Variants in PKD2L1 observed in about 807,000 individuals in gnomAD.
PKD2L1 encodes the protein polycystin-2-like protein 1.
In PKD2L1, 77 loss-of-function variants were observed where a neutral mutation model predicts 93.0. The observed-to-expected ratio is 0.83, with a 90% CI of 0.69 to 1.00. PKD2L1 has a LOEUF of 1.00. PKD2L1 is among the 50% of genes least tolerant of loss of function. The probability of loss-of-function intolerance (pLI) is 0.00; values close to 1 mark genes in which losing one functional copy is unlikely to be tolerated. For missense variants in PKD2L1, 977 were observed against 990.9 expected (o/e 0.99, Z 0.19); for synonymous variants, 390 against 388.0 (o/e 1.01, Z -0.06).
chr10:100,325,767 C>T (rs1435802309), intron 2 of PKD2L1, among the ~76,000 whole-genome samples: 1 of 152,172 alleles, frequency 6.6e-6, no homozygotes, highest in East Asian at 1.9e-4. Context: ...TTTACAGTGC[C>T]TGCTGTGACT....
rs555383475 is a variant in PKD2L1 at position 100,301,462 on chromosome 10, C to CA, written c.350-1745_350-1744insT. Among the ~76,000 whole-genome samples, 24 of 151,808 alleles carry CA rather than the reference C, an allele frequency of 1.6e-4. No individual in the cohort carries two copies. In the South Asian group the frequency reaches 4.0e-3, roughly 25 times the overall value. On this transcript the variant is annotated intron_variant, in intron 2 of 15. Coordinates refer to ENST00000318222, the MANE Select transcript of PKD2L1 (RefSeq NM_016112.3). ...GAGCAGCCATTTTAGAGGCCCCCCC[C>CA]CCGGGAATGCATTCTTTTCCCAGGG...
In PKD2L1 at chr10:100,315,129, T is replaced by C. The variant is rs202106756; in HGVS notation, c.349+14082A>G. 1.9e-3 allele frequency among the ~76,000 whole-genome samples: 265 copies of C among 139,692 alleles called. 70 individuals carry two copies. The highest frequency in any genetic ancestry group is 6.5e-3 in the African/African-American group (244 of 37,770). The allele number at this position is 139,692 out of a possible 152,430, so 91.6% of individuals were successfully genotyped here. On this transcript the variant is annotated intron_variant, in intron 2 of 15. Transcript: ENST00000318222. ...GGGAAGGGAAGGGAAGAGAAAACAG[T>C]TGAAATGATTATATACCAAACTAGG...
At chr10:100,299,850 TG>T in intron 2 of PKD2L1, 132 bp from the exon 3 acceptor site, 2 of 743,730 alleles carry the variant, frequency 2.7e-6, no homozygotes, top group Admixed American at 4.4e-5. Context: ...CCTCTAGACT[TG>T]GTTAGGAGCC....
chr10:100,301,455 C>T (rs1421798871), intron 2 of PKD2L1, among the ~76,000 whole-genome samples: 6 of 49,696 alleles, frequency 1.2e-4, no homozygotes, highest in Admixed American at 2.5e-4. Context: ...ATTTTAGAGG[C>T]CCCCCCCCCG....
chr10:100,299,695 T>G lies in PKD2L1; in HGVS notation c.373A>C (p.Ser125Arg), dbSNP rs778222044. 2.5e-6 allele frequency: 4 copies of G among 1,613,714 alleles called. No individual in the cohort carries two copies. Among genetic ancestry groups the G allele is most frequent in the Non-Finnish European group, 2.5e-6 (3 of 1,179,572 alleles). ...CLLTYGMTSS[S>R]AYYYTKVMSE... ...ATCACTTTGGTGTAGTAATAAGCAC[T>G]GGAGCTTGTCATTCCATAGGTCACT... Residue 125 changes from serine (S) to arginine (R), a missense_variant, in exon 3 of 16, where the codon AGT becomes CGT. Ser to Arg is a moderately radical substitution (Grantham distance 110, BLOSUM62 -1). Coordinates refer to ENST00000318222, the MANE Select transcript of PKD2L1 (RefSeq NM_016112.3).
chr10:100,308,085 T>C lies in PKD2L1; in HGVS notation c.350-8367A>G, dbSNP rs75474343. Among the ~76,000 whole-genome samples, 243 of 152,304 alleles carry C rather than the reference T, an allele frequency of 1.6e-3. 1 individual carries two copies. The highest frequency in any genetic ancestry group is 5.7e-3 in the African/African-American group (235 of 41,566). ...TTTCAGAGACTAGGTGATGGTTTCA[T>C]GTCAAATGTAGAGAGTATCTGATTT... On this transcript the variant is annotated intron_variant, in intron 2 of 15. Transcript: ENST00000318222.
Position 100,290,411 on chromosome 10 carries a change from C to G in PKD2L1, c.2116G>C (p.Glu706Gln). 1 of 1,609,900 alleles carries G rather than the reference C, an allele frequency of 6.2e-7. No homozygotes were observed. Among genetic ancestry groups the G allele is most frequent in the Non-Finnish European group, 8.5e-7 (1 of 1,177,084 alleles). Residue 706 changes from glutamate to glutamine, a missense_variant, in exon 13 of 16, where the codon GAA becomes CAA. Glu to Gln is a conservative substitution (Grantham distance 29, BLOSUM62 2). Transcript: ENST00000318222. ...CTTGGCTGCACGTACATGTAGAATT[C>G]TTCTCCTGAAACCCAGCCTCCTGCT... is the stretch of plus-strand genomic sequence containing the variant. ...ARAGGWVSGE[E>Q]FYMLTRRVLQ...
intron 2 of PKD2L1, among the ~76,000 whole-genome samples, chr10:100,308,397 C>T (rs7912842): frequency 0.039 from 5,994 of 151,774 alleles, 408 homozygotes; most frequent in African/African-American, 0.14. Context: ...TGCAATGACA[C>T]CATCTCGGCT....
At position 100,294,454 on chromosome 10, in the gene PKD2L1, A is replaced by G; in HGVS notation, c.1659+81T>C. On this transcript the variant is annotated intron_variant, in intron 9 of 15. Transcript: ENST00000318222. ...CCATCCTTGATTTGAGAAACTTATC[A>G]ATCCTGAGTGAGGGACATACTAGGA... The G allele has an allele frequency of 2.0e-6, 3 of 1,463,638 alleles. No homozygotes were observed. In the South Asian group the frequency reaches 3.4e-5, roughly 17 times the overall value. 90.7% of individuals were successfully genotyped at this position (1,463,638 alleles called of 1,614,324 possible).
Position 100,329,918 on chromosome 10 carries a change from G to C in PKD2L1, c.186C>G (p.Tyr62Ter). Residue 62 changes from tyrosine (Y) to a stop codon, truncating the protein, a stop_gained, in exon 1 of 16, where the codon TAC (tyrosine) becomes TAG (stop). Coordinates refer to ENST00000318222, the MANE Select transcript of PKD2L1 (RefSeq NM_016112.3). LOFTEE classifies it high-confidence loss of function. ...GGCAGCAGCTGGACACCTGGGTCCT[G>C]TATGCCGTCTCCTGGGGTTCATCTT... ...KPEDEPQETA[Y>*]RTQVSSCCLH... 6.2e-7 allele frequency: 1 copy of C among 1,613,930 alleles called. No individual in the cohort carries two copies. Among genetic ancestry groups the C allele is most frequent in the South Asian group, 1.1e-5 (1 of 91,072 alleles).
chr10:100,324,330 C>T (rs539519825), intron 2 of PKD2L1, among the ~76,000 whole-genome samples: 27 of 152,296 alleles, frequency 1.8e-4, no homozygotes, highest in East Asian at 1.2e-3. Flanking sequence ...TTAGGTTTTA[C>T]TCTTGGTATT....
chr10:100,294,701 C>G (rs764991109), intron 8 of PKD2L1, 46 bp from the exon 9 acceptor site: 1 of 1,611,796 alleles, frequency 6.2e-7, no homozygotes, highest in African/African-American at 1.3e-5. Flanking sequence ...ACAAACACCC[C>G]CCATCCCACT....
intron 2 of PKD2L1, among the ~76,000 whole-genome samples, chr10:100,326,385 T>C (rs960632384): frequency 5.3e-5 from 8 of 152,228 alleles, no homozygotes; most frequent in African/African-American, 1.9e-4. Flanking sequence ...CTGTCCCTTT[T>C]GGGCCTTGGC....
At chr10:100,291,541 G>A (rs1848408174) in intron 11 of PKD2L1, 114 bp from the exon 12 acceptor site, 14 of 1,080,176 alleles carry the variant, frequency 1.3e-5, no homozygotes, top group South Asian at 1.5e-5. Context: ...TGGTAAAGAA[G>A]GTTCTCCAAA....
chr10:100,322,124 G>A (rs1425943197), intron 2 of PKD2L1, among the ~76,000 whole-genome samples: 2 of 151,928 alleles, frequency 1.3e-5, no homozygotes, highest in African/African-American at 4.8e-5. Context: ...TACTTTTAGG[G>A]CTGAGGTGGG....
chr10:100,295,347 G>A (rs1438969534), intron 7 of PKD2L1, among the ~76,000 whole-genome samples: 1 of 151,020 alleles, frequency 6.6e-6, no homozygotes, highest in Non-Finnish European at 1.5e-5. Context: ...CTTGAATCTG[G>A]GAGGCAGAAG....
chr10:100,298,433 A>T, intron 4 of PKD2L1, 129 bp downstream of exon 4: 1 of 884,592 alleles, frequency 1.1e-6, no homozygotes, highest in Admixed American at 2.5e-5. Flanking sequence ...ATTCAGGGAG[A>T]TGCCCCCAGA....
At chr10:100,315,460 T>C (rs979800552) in intron 2 of PKD2L1, among the ~76,000 whole-genome samples, 2 of 152,178 alleles carry the variant, frequency 1.3e-5, no homozygotes, top group African/African-American at 4.8e-5. Context: ...GGGTGTGTGT[T>C]GTTCCCCTCC....
chr10:100,298,981 T>C (rs915715333), intron 3 of PKD2L1, among the ~76,000 whole-genome samples, 166 bp from the exon 4 acceptor site: 2 of 152,100 alleles, frequency 1.3e-5, no homozygotes, highest in Non-Finnish European at 2.9e-5. Context: ...AGAGTCTCGC[T>C]TTGTCACCCA....
Sources: gnomAD v4.1 joint callset for allele counts (sites outside exome capture counted in the v4.1 genomes callset) on GRCh38, gnomAD v4.1.1 for gene constraint, MANE v1.5 for transcripts, NCBI Gene and HGNC (gene_info 2026-07-23, HGNC 2026-07-21) for gene names.